The following TTLL5 variants were observed in gnomAD, a reference collection of about 807,000 sequenced individuals.
TTLL5 encodes tubulin tyrosine ligase like 5.
TTLL5 carries 132 observed loss-of-function variants against 168.4 expected under a neutral mutation model. That is an observed-to-expected ratio of 0.78 (90% CI 0.68 to 0.91). The LOEUF (loss-of-function observed/expected upper bound fraction) is 0.91. Ranked by LOEUF, TTLL5 falls within the 40% of genes least tolerant of loss-of-function variation. The probability of loss-of-function intolerance (pLI) is 0.00; values close to 1 mark genes in which losing one functional copy is unlikely to be tolerated. For synonymous variants in TTLL5, 546 were observed against 558.6 expected (o/e 0.98, Z 0.32); for missense variants, 1,545 against 1,581.5 (o/e 0.98, Z 0.39).
chr14:75,735,261 C>T lies in TTLL5; in HGVS notation c.1253C>T (p.Ser418Phe). ...CCAATTTATCCCACCTTTGAGTCTT[C>T]CAGGCGAAACCCTTTCCAGAAACCT... The part of the protein sequence containing the change: ...TRPIYPTFES[S>F]RRNPFQKPQR... Residue 418 changes from serine to phenylalanine, a missense_variant, in exon 15 of 32, where the codon TCC becomes TTC. Ser to Phe is a radical substitution (Grantham distance 155). Transcript: ENST00000298832. 1 of 1,614,194 alleles carries T rather than the reference C, an allele frequency of 6.2e-7. No homozygotes were observed. Among genetic ancestry groups the T allele is most frequent in the Non-Finnish European group, 8.5e-7 (1 of 1,179,994 alleles).
intron 30 of TTLL5, chr14:75,887,445 A>G (rs1373414233): frequency 5.6e-6 from 3 of 538,148 alleles, no homozygotes; most frequent in East Asian, 1.5e-4. Context: ...CCAGCTTTTT[A>G]TTATGTGCAG....
intron 31 of TTLL5, among the ~76,000 whole-genome samples, chr14:75,918,130 T>A (rs943956716): frequency 2.0e-5 from 3 of 152,220 alleles, no homozygotes; most frequent in Non-Finnish European, 4.4e-5. Context: ...AAAAGACAGA[T>A]GCCAGGTCAA....
chr14:75,781,826 G>C (rs1055389456), intron 24 of TTLL5, among the ~76,000 whole-genome samples: 1 of 152,008 alleles, frequency 6.6e-6, no homozygotes, highest in Admixed American at 6.5e-5. Context: ...GTGGTGGCAG[G>C]CACCTGTAAA....
At chr14:75,886,703 C>A in intron 30 of TTLL5, 1 of 1,597,898 alleles carries the variant, frequency 6.3e-7, no homozygotes, top group Non-Finnish European at 8.5e-7. Flanking sequence ...AATTTAGTAC[C>A]CGCTTCAGAT....
At chr14:75,708,428 C>G (rs1886805431) in intron 9 of TTLL5, among the ~76,000 whole-genome samples, 1 of 152,016 alleles carries the variant, frequency 6.6e-6, no homozygotes, top group African/African-American at 2.4e-5. Context: ...CAGGTTCACG[C>G]CATTCTCCTG....
intron 26 of TTLL5, among the ~76,000 whole-genome samples, chr14:75,791,698 C>T (rs957356244): frequency 2.0e-5 from 3 of 151,808 alleles, no homozygotes; most frequent in African/African-American, 7.3e-5. Context: ...ACATATACAG[C>T]TATTATAAAT....
chr14:75,812,749 T>G (rs1035359026), intron 27 of TTLL5, among the ~76,000 whole-genome samples: 8 of 152,204 alleles, frequency 5.3e-5, no homozygotes, highest in Non-Finnish European at 1.5e-5. Context: ...TCCTTTTACC[T>G]GTTCTCTCGT....
intron 31 of TTLL5, among the ~76,000 whole-genome samples, chr14:75,914,041 TA>T (rs1316464656): frequency 1.9e-5 from 1 of 51,632 alleles, no homozygotes; most frequent in Non-Finnish European, 3.7e-5. Flanking sequence ...AAAATATATA[TA>T]TATATATATA....
intron 7 of TTLL5, among the ~76,000 whole-genome samples, chr14:75,705,449 A>G (rs1317655725): frequency 6.6e-6 from 1 of 152,234 alleles, no homozygotes; most frequent in Admixed American, 6.5e-5. Flanking sequence ...TGAGAGCAGA[A>G]TATTGGGAAG....
At chr14:75,662,637 C>T (rs560383651) in intron 1 of TTLL5, among the ~76,000 whole-genome samples, 1 of 152,102 alleles carries the variant, frequency 6.6e-6, no homozygotes, top group African/African-American at 2.4e-5. Context: ...CCCTGCCCGG[C>T]CTGCAAGGGT....
chr14:75,930,894 G>T (rs188499964), intron 31 of TTLL5, among the ~76,000 whole-genome samples: 1 of 152,132 alleles, frequency 6.6e-6, no homozygotes, highest in African/African-American at 2.4e-5. Flanking sequence ...TAGAGTGTTG[G>T]TCTTTAACAA....
rs139653147 is a variant in TTLL5 at position 75,745,152 on chromosome 14, C to T, written c.1339C>T (p.Arg447Trp). The change falls in exon 16 of 32, where the codon CGG (arginine) becomes TGG (tryptophan). Residue 447 changes from arginine to tryptophan, a missense_variant. By Grantham distance (101) the Arg-to-Trp change is moderately radical (BLOSUM62 -3). Transcript: ENST00000298832. ...AATGAAAAACCTCGTGGGCTCAGCC[C>T]GGGAGAAAGGGCCAGGGAAGTTGGG... ...AEMKNLVGSA[R>W]EKGPGKLGGS... 3.0e-5 allele frequency: 48 copies of T among 1,613,774 alleles called. No homozygotes were observed. The highest frequency in any genetic ancestry group is 1.5e-4 in the African/African-American group (11 of 74,920).
chr14:75,759,061 A>C (rs1290960561), intron 18 of TTLL5, among the ~76,000 whole-genome samples: 1 of 152,182 alleles, frequency 6.6e-6, no homozygotes, highest in Non-Finnish European at 1.5e-5. Context: ...AACAAAATCC[A>C]AAGTGTGTTC....
intron 28 of TTLL5, among the ~76,000 whole-genome samples, chr14:75,860,760 TC>T (rs1425713582): frequency 6.6e-6 from 1 of 152,146 alleles, no homozygotes; most frequent in Non-Finnish European, 1.5e-5. Context: ...CACAGCTCAC[TC>T]CGTTCCTTTA....
chr14:75,733,554 G>T (rs1888686001), intron 13 of TTLL5, among the ~76,000 whole-genome samples: 1 of 152,088 alleles, frequency 6.6e-6, no homozygotes, highest in Non-Finnish European at 1.5e-5. Flanking sequence ...AGTGTGGCCA[G>T]AGTTGCTTCT....
At chr14:75,880,152 AGAGT>A in intron 29 of TTLL5, among the ~76,000 whole-genome samples, 1 of 152,140 alleles carries the variant, frequency 6.6e-6, no homozygotes, top group South Asian at 2.1e-4. Flanking sequence ...AGAGAGAGAG[AGAGT>A]GTGTGTACAT....
intron 31 of TTLL5, among the ~76,000 whole-genome samples, chr14:75,914,033 A>AAAAAAATATATATATATAT: frequency 1.4e-5 from 1 of 71,098 alleles, no homozygotes; most frequent in African/African-American, 1.6e-4. Context: ...AAAAAAAAAA[A>AAAAAAATATATATATATAT]ATATATATAT....
In TTLL5 at chr14:75,910,393, A is replaced by G. The variant is rs530355297; in HGVS notation, c.3823+8169A>G. 4.6e-5 allele frequency among the ~76,000 whole-genome samples: 7 copies of G among 152,280 alleles called. No individual in the cohort carries two copies. In the South Asian group the frequency reaches 1.5e-3, roughly 32 times the overall value. ...ATCCATGCACTTTGGACAGAAGACG[A>G]TCTAGTCTATTCTTGCAGTCCTGAA... On this transcript the variant is annotated intron_variant, in intron 31 of 31. Coordinates refer to ENST00000298832, the MANE Select transcript of TTLL5 (RefSeq NM_015072.5).
intron 10 of TTLL5, among the ~76,000 whole-genome samples, chr14:75,718,696 A>G (rs922969661): frequency 6.6e-6 from 1 of 152,248 alleles, no homozygotes; most frequent in Non-Finnish European, 1.5e-5. Context: ...CAAAGAAAGA[A>G]AGAAATGAGG....
Sources: allele counts gnomAD v4.1 joint callset (sites outside exome capture counted in the v4.1 genomes callset), GRCh38; gene constraint gnomAD v4.1.1; transcripts MANE v1.5; gene names NCBI Gene and HGNC (gene_info 2026-07-23, HGNC 2026-07-21).